The following SLC35F4 variants were observed in gnomAD, a reference collection of about 807,000 sequenced individuals.
The protein encoded by SLC35F4 is chromosome 14 open reading frame 36.
A neutral mutation model predicts 44.2 loss-of-function variants in SLC35F4; 24 were observed. The ratio of observed to expected loss-of-function variants is 0.54; its 90% CI spans 0.39 to 0.76. SLC35F4 has a LOEUF of 0.76. Among genes scored for constraint, SLC35F4 ranks in the 30% least tolerant of loss-of-function variants. The pLI is 0.00. For missense variants in SLC35F4, 562 were observed against 586.1 expected, an observed-to-expected ratio of 0.96 and a Z score of 0.42; for synonymous variants, 238 against 223.6, an observed-to-expected ratio of 1.06 and a Z score of -0.57.
intron 1 of SLC35F4, among the ~76,000 whole-genome samples, chr14:57,864,287 G>A (rs1887936601): frequency 6.6e-6 from 1 of 152,178 alleles, no homozygotes; most frequent in Non-Finnish European, 1.5e-5. Flanking sequence ...TAAAAAAGGA[G>A]AAGTTTTTGA....
chr14:57,847,843 T>C (rs1021625382), intron 1 of SLC35F4, among the ~76,000 whole-genome samples: 25 of 152,174 alleles, frequency 1.6e-4, no homozygotes, highest in African/African-American at 4.6e-4. Context: ...TTACAGTAAA[T>C]GTAGTAAAAG....
At chr14:57,722,604 T>C (rs972140589) in intron 1 of SLC35F4, among the ~76,000 whole-genome samples, 4 of 152,124 alleles carry the variant, frequency 2.6e-5, no homozygotes, top group African/African-American at 9.7e-5. Context: ...AGGGGCCAAG[T>C]AGTGGCACTC....
chr14:57,823,023 T>C (rs1883341076), intron 1 of SLC35F4, among the ~76,000 whole-genome samples: 1 of 152,290 alleles, frequency 6.6e-6, no homozygotes, highest in Admixed American at 6.5e-5. Flanking sequence ...CTCATGTCTG[T>C]GGCTGCCTAT....
At position 57,563,958 on chromosome 14, in the gene SLC35F4, ATTAT is replaced by A. The variant is rs2068080432; in HGVS notation, c.*173_*176del. ...TGTTTTAATAAAAAAATCCATTATG[ATTAT>A]TTACACCAATTCCTTGATAAGCATA... On this transcript the variant is annotated 3_prime_UTR_variant, in exon 8 of 8. Transcript: ENST00000556826. The A allele has an allele frequency of 1.0e-5, 7 of 669,038 alleles. 1 individual carries two copies. Among genetic ancestry groups the A allele is most frequent in the Non-Finnish European group, 1.2e-5 (5 of 426,194 alleles). 41.4% of individuals were successfully genotyped at this position (669,038 alleles called of 1,614,324 possible). A position where few individuals can be genotyped will look rare whatever the true frequency, so the allele number is the denominator to read the frequency against.
At chr14:57,925,477 A>AGAAGGAAG (rs1300735332) in intron 1 of SLC35F4, among the ~76,000 whole-genome samples, 31 of 106,826 alleles carry the variant, frequency 2.9e-4, no homozygotes, top group African/African-American at 9.8e-4. Context: ...TGGGAAGGAA[A>AGAAGGAAG]GAAGGAAGGA....
At chr14:57,799,228 A>G (rs2078127780) in intron 1 of SLC35F4, among the ~76,000 whole-genome samples, 1 of 152,134 alleles carries the variant, frequency 6.6e-6, no homozygotes, top group Admixed American at 6.5e-5. Flanking sequence ...CCCCCAGCCA[A>G]AGGAAGCAGT....
At chr14:57,944,926 A>G (rs1889995721) in intron 1 of SLC35F4, among the ~76,000 whole-genome samples, 1 of 152,176 alleles carries the variant, frequency 6.6e-6, no homozygotes, top group South Asian at 2.1e-4. Context: ...TTACACACAC[A>G]AAAAATACTC....
At chr14:57,970,507 T>C (rs555914297) in intron 1 of SLC35F4, among the ~76,000 whole-genome samples, 1 of 152,308 alleles carries the variant, frequency 6.6e-6, no homozygotes, top group Admixed American at 6.5e-5. Flanking sequence ...CAAACAGAGG[T>C]ACTATTTTTT....
intron 1 of SLC35F4, among the ~76,000 whole-genome samples, chr14:57,937,892 A>G (rs1314600212): frequency 6.6e-6 from 1 of 152,142 alleles, no homozygotes; most frequent in East Asian, 1.9e-4. Flanking sequence ...TAACCAGGGG[A>G]ACAGCAATAA....
intron 1 of SLC35F4, among the ~76,000 whole-genome samples, chr14:57,775,703 A>G (rs1440145441): frequency 1.3e-5 from 2 of 152,256 alleles, no homozygotes; most frequent in African/African-American, 4.8e-5. Context: ...GATGAGAAAG[A>G]ACCAGCACAA....
chr14:57,720,703 C>T (rs975456289), intron 1 of SLC35F4, among the ~76,000 whole-genome samples: 1 of 151,946 alleles, frequency 6.6e-6, no homozygotes, highest in Non-Finnish European at 1.5e-5. Flanking sequence ...GCATTTGAGT[C>T]AGTAGGCTGG....
At chr14:57,632,315 G>A (rs917924711) in intron 1 of SLC35F4, among the ~76,000 whole-genome samples, 1 of 151,976 alleles carries the variant, frequency 6.6e-6, no homozygotes, top group Non-Finnish European at 1.5e-5. Flanking sequence ...GATCAAAACA[G>A]GACCCAGCTT....
intron 1 of SLC35F4, among the ~76,000 whole-genome samples, chr14:57,638,454 A>C (rs1329307474): frequency 6.6e-6 from 1 of 152,106 alleles, no homozygotes; most frequent in Non-Finnish European, 1.5e-5. Flanking sequence ...GAATATTCAT[A>C]GCTCTTCTTG....
intron 1 of SLC35F4, among the ~76,000 whole-genome samples, chr14:57,700,724 C>A (rs2075515733): frequency 1.3e-5 from 2 of 151,724 alleles, no homozygotes; most frequent in African/African-American, 4.8e-5. Flanking sequence ...GGCAACATGG[C>A]AAAACTCCAT....
At chr14:57,837,175 A>G (rs2049594713) in intron 1 of SLC35F4, among the ~76,000 whole-genome samples, 1 of 152,224 alleles carries the variant, frequency 6.6e-6, no homozygotes, top group Admixed American at 6.5e-5. Flanking sequence ...GTGTAATTTA[A>G]AATTATTTAA....
At chr14:57,831,473 G>A (rs1340271940) in intron 1 of SLC35F4, among the ~76,000 whole-genome samples, 2 of 152,206 alleles carry the variant, frequency 1.3e-5, no homozygotes, top group Non-Finnish European at 1.5e-5. Flanking sequence ...GAGGAGGGTG[G>A]AGAAGGGCCA....
chr14:57,873,172 G>A (rs544579655), intron 1 of SLC35F4, among the ~76,000 whole-genome samples: 2 of 152,194 alleles, frequency 1.3e-5, no homozygotes, highest in South Asian at 4.1e-4. Flanking sequence ...ATGTATAACA[G>A]AACTTCGTAT....
chr14:57,786,914 G>C (rs530457949), intron 1 of SLC35F4, among the ~76,000 whole-genome samples: 4 of 152,196 alleles, frequency 2.6e-5, no homozygotes, highest in Admixed American at 2.6e-4. Context: ...ACCAAGAAGA[G>C]ATCCCAGATT....
At chr14:57,796,490 G>T (rs2078056423) in intron 1 of SLC35F4, among the ~76,000 whole-genome samples, 1 of 152,038 alleles carries the variant, frequency 6.6e-6, no homozygotes, top group African/African-American at 2.4e-5. Flanking sequence ...GTATTTTCAG[G>T]TAACAGGAAG....
Sources: allele counts gnomAD v4.1 joint callset (sites outside exome capture counted in the v4.1 genomes callset), GRCh38; gene constraint gnomAD v4.1.1; transcripts MANE v1.5; gene names NCBI Gene and HGNC (gene_info 2026-07-23, HGNC 2026-07-21).